ACTN2: variants seen among roughly 807,000 people sequenced by gnomAD.
The protein encoded by ACTN2 is actinin alpha 2, also known as alpha-actinin-2.
A neutral mutation model predicts 113.8 loss-of-function variants in ACTN2; 39 were observed. That is an observed-to-expected ratio of 0.34 (90% CI 0.27 to 0.45). ACTN2 has a LOEUF of 0.45. Ranked by LOEUF, ACTN2 falls within the 20% of genes least tolerant of loss-of-function variation. The probability of loss-of-function intolerance (pLI) is 1.00; values close to 1 mark genes in which losing one functional copy is unlikely to be tolerated. For synonymous variants in ACTN2, 429 were observed against 444.1 expected, an observed-to-expected ratio of 0.97 and a Z score of 0.43; for missense variants, 992 against 1,177.9, an observed-to-expected ratio of 0.84 and a Z score of 2.31.
intron 1 of ACTN2, among the ~76,000 whole-genome samples, chr1:236,713,067 A>C (rs965443360): frequency 6.6e-6 from 1 of 151,944 alleles, no homozygotes; most frequent in Non-Finnish European, 1.5e-5. Context: ...TTTTACTGTA[A>C]TAACTTAATT....
intron 1 of ACTN2, among the ~76,000 whole-genome samples, chr1:236,695,581 T>C (rs1187291462): frequency 2.9e-4 from 6 of 20,692 alleles, no homozygotes; most frequent in African/African-American, 9.6e-4. Flanking sequence ...CCTGCCCAGA[T>C]TGAAAACCTT....
At chr1:236,762,440 C>A in intron 20 of ACTN2, 21 bp from the exon 21 acceptor site, 1 of 1,613,862 alleles carries the variant, frequency 6.2e-7, no homozygotes, top group Non-Finnish European at 8.5e-7. Context: ...TGACTGCAAA[C>A]ACGTGTGTAT....
At position 236,739,320 on chromosome 1, in the gene ACTN2, C is replaced by T. The variant is rs779109533; in HGVS notation, c.895C>T (p.Arg299Cys). 46 of 1,613,770 alleles carry T rather than the reference C, an allele frequency of 2.9e-5. No individual in the cohort carries two copies. Among genetic ancestry groups the T allele is most frequent in the South Asian group, 5.5e-5 (5 of 91,062 alleles). ...LASELLEWIR[R>C]TIPWLENRTP... ...GGAGCAGCTTTTGGAATGGATTCGT[C>T]GCACGATCCCCTGGCTGGAGAACCG... Residue 299 changes from arginine (R) to cysteine (C), a missense_variant, in exon 10 of 21, where the codon CGC (arginine) becomes TGC (cysteine). By Grantham distance (180) the Arg-to-Cys change is radical (BLOSUM62 -3). Coordinates refer to ENST00000366578, the MANE Select transcript of ACTN2 (RefSeq NM_001103.4).
At chr1:236,703,284 C>A (rs892732678) in intron 1 of ACTN2, among the ~76,000 whole-genome samples, 19 of 152,266 alleles carry the variant, frequency 1.2e-4, no homozygotes, top group African/African-American at 4.6e-4. Flanking sequence ...CAAAGGAATT[C>A]TCCACGTAGT....
intron 18 of ACTN2, among the ~76,000 whole-genome samples, chr1:236,758,678 G>A (rs1428389643): frequency 6.6e-6 from 1 of 151,242 alleles, no homozygotes; most frequent in Non-Finnish European, 1.5e-5. Flanking sequence ...GGAGTGCAAT[G>A]GTGTGATCTC....
At chr1:236,687,559 CA>C (rs1665920080) in intron 1 of ACTN2, among the ~76,000 whole-genome samples, 1 of 152,228 alleles carries the variant, frequency 6.6e-6, no homozygotes, top group Admixed American at 6.5e-5. Flanking sequence ...TTGGGTCAGA[CA>C]TGACAACAGA....
Position 236,686,509 on chromosome 1 carries a change from C to T in ACTN2, c.-165C>T, listed in dbSNP as rs1665869365. On this transcript the variant is annotated 5_prime_UTR_variant, in exon 1 of 21. Coordinates refer to ENST00000366578, the MANE Select transcript of ACTN2 (RefSeq NM_001103.4). ...CAGCTGCTCGCAGCCGGAGCTGGTG[C>T]TTCGCCCGAGACCCAGCGCCCAGGC... 3 of 693,606 alleles carry T rather than the reference C, an allele frequency of 4.3e-6. No individual in the cohort carries two copies. The highest frequency in any genetic ancestry group is 5.8e-6 in the Non-Finnish European group (3 of 513,434). 43.0% of individuals were successfully genotyped at this position (693,606 alleles called of 1,614,324 possible).
At chr1:236,717,483 C>T (rs907936967) in intron 1 of ACTN2, among the ~76,000 whole-genome samples, 3 of 152,088 alleles carry the variant, frequency 2.0e-5, no homozygotes, top group Non-Finnish European at 4.4e-5. Flanking sequence ...TATTCTGCTG[C>T]AAGCAAGCAT....
chr1:236,745,530 C>T (rs527707134), intron 12 of ACTN2, among the ~76,000 whole-genome samples: 76 of 152,346 alleles, frequency 5.0e-4, no homozygotes, highest in African/African-American at 1.8e-3. Context: ...TTATCATCCC[C>T]TAAGTGCTGT....
intron 8 of ACTN2, chr1:236,736,695 T>G (rs1658887304): frequency 2.8e-6 from 4 of 1,419,324 alleles, no homozygotes; most frequent in Non-Finnish European, 3.8e-6. Context: ...CTGCCCCAGT[T>G]ATTTTTGCCT....
intron 17 of ACTN2, 70 bp from the exon 18 acceptor site, chr1:236,757,416 T>G (rs1421881174): frequency 1.3e-6 from 2 of 1,599,106 alleles, no homozygotes; most frequent in East Asian, 4.5e-5. Flanking sequence ...TGTACTGTTA[T>G]GAAAGTAAAG....
chr1:236,753,851 T>TTCCCC, intron 15 of ACTN2, 96 bp from the exon 16 acceptor site: 1 of 966,968 alleles, frequency 1.0e-6, no homozygotes. Flanking sequence ...CCTTCTCCAC[T>TTCCCC]CCCACCCCCA....
intron 5 of ACTN2, among the ~76,000 whole-genome samples, chr1:236,727,142 T>C (rs187019314): frequency 8.2e-4 from 124 of 151,494 alleles, no homozygotes; most frequent in Admixed American, 5.5e-3. Context: ...GCTAATTGCA[T>C]GTCCTCCTTC....
intron 1 of ACTN2, among the ~76,000 whole-genome samples, chr1:236,694,421 C>T (rs1325416277): frequency 6.6e-6 from 1 of 151,738 alleles, no homozygotes; most frequent in Non-Finnish European, 1.5e-5. Flanking sequence ...CGGGGTTTCT[C>T]CATGTTGATC....
At chr1:236,712,187 A>G (rs1658047058) in intron 1 of ACTN2, among the ~76,000 whole-genome samples, 1 of 152,218 alleles carries the variant, frequency 6.6e-6, no homozygotes, top group African/African-American at 2.4e-5. Context: ...TTTTTATCTT[A>G]TCCATGATTA....
In ACTN2 at chr1:236,709,477, G is replaced by A. The variant is rs146563243; in HGVS notation, c.127-8381G>A. 3.9e-3 allele frequency among the ~76,000 whole-genome samples: 586 copies of A among 151,050 alleles called. 1 individual carries two copies. The highest frequency in any genetic ancestry group is 0.017 in the Middle Eastern group (5 of 292). Reference sequence around the variant, plus strand: ...ATTCGAGTTCTGAGCCATGACTGCAGGCTGGACCGAGCTCTGCCTGTCCTC... The same window carrying A: ...ATTCGAGTTCTGAGCCATGACTGCAAGCTGGACCGAGCTCTGCCTGTCCTC... On this transcript the variant is annotated intron_variant, in intron 1 of 20. Transcript: ENST00000366578.
chr1:236,708,896 G>T (rs1657914204), intron 1 of ACTN2, among the ~76,000 whole-genome samples: 2 of 151,968 alleles, frequency 1.3e-5, no homozygotes, highest in East Asian at 1.9e-4. Context: ...TTCCACTTTA[G>T]TCAGTGATTT....
chr1:236,743,673 G>A (rs1322147841), intron 11 of ACTN2, among the ~76,000 whole-genome samples: 1 of 151,816 alleles, frequency 6.6e-6, no homozygotes, highest in East Asian at 1.9e-4. Context: ...TTGAGATTGG[G>A]GAGATTTTTC....
chr1:236,700,275 C>T (rs941191798), intron 1 of ACTN2, among the ~76,000 whole-genome samples: 7 of 152,150 alleles, frequency 4.6e-5, no homozygotes, highest in East Asian at 1.9e-4. Context: ...TTCTGCCTCC[C>T]GGGTTCAAGC....
Sources: allele counts gnomAD v4.1 joint callset (sites outside exome capture counted in the v4.1 genomes callset), GRCh38; gene constraint gnomAD v4.1.1; transcripts MANE v1.5; gene names NCBI Gene and HGNC (gene_info 2026-07-23, HGNC 2026-07-21).